PEBP4: variants seen among roughly 807,000 people sequenced by gnomAD.
PEBP4 encodes phosphatidylethanolamine binding protein 4.
A neutral mutation model predicts 23.9 loss-of-function variants in PEBP4; 22 were observed. That is an observed-to-expected ratio of 0.92 (90% CI 0.66 to 1.31). The LOEUF (loss-of-function observed/expected upper bound fraction) is 1.31, where lower values mean the gene tolerates loss of function less well. Among genes scored for constraint, PEBP4 ranks in the 40% most tolerant of loss-of-function variants. PEBP4 has a pLI of 0.00. For synonymous variants in PEBP4, 112 were observed against 99.3 expected (o/e 1.13, Z -0.76); for missense variants, 324 against 281.7 (o/e 1.15, Z -1.07).
At chr8:22,735,266 T>A (rs1804835710) in intron 4 of PEBP4, among the ~76,000 whole-genome samples, 1 of 151,936 alleles carries the variant, frequency 6.6e-6, no homozygotes, top group South Asian at 2.1e-4. Context: ...GGAGCAGAGA[T>A]GAAGGAAGAG....
chr8:22,815,744 G>A (rs1806727500), intron 4 of PEBP4, among the ~76,000 whole-genome samples: 1 of 152,234 alleles, frequency 6.6e-6, no homozygotes, highest in Non-Finnish European at 1.5e-5. Context: ...CCTGTCACCT[G>A]CCACCTGTTC....
intron 3 of PEBP4, among the ~76,000 whole-genome samples, chr8:22,910,228 A>C (rs1276325912): frequency 6.6e-6 from 1 of 152,260 alleles, no homozygotes; most frequent in Admixed American, 6.5e-5. Context: ...GTGAAATGAC[A>C]GCACTGACGT....
At chr8:22,936,283 TAAAA>T (rs907166356) in intron 1 of PEBP4, among the ~76,000 whole-genome samples, 33 of 151,634 alleles carry the variant, frequency 2.2e-4, no homozygotes, top group African/African-American at 8.0e-4. Context: ...TTTACAGAAA[TAAAA>T]AGGGTGATAA....
intron 4 of PEBP4, among the ~76,000 whole-genome samples, chr8:22,750,183 C>A (rs1411133362): frequency 6.6e-6 from 1 of 151,816 alleles, no homozygotes; most frequent in Non-Finnish European, 1.5e-5. Flanking sequence ...CTCACTGCAA[C>A]CTCCACCTCG....
At chr8:22,880,458 C>T (rs2466177) in intron 3 of PEBP4, 51,813 of 152,012 alleles carry the variant, frequency 0.34, 8,999 homozygotes, top group Middle Eastern at 0.41. Flanking sequence ...TGTTCAAAAC[C>T]GCTCCTGAGG....
At chr8:22,937,353 G>T (rs1809554299) in intron 1 of PEBP4, among the ~76,000 whole-genome samples, 1 of 152,134 alleles carries the variant, frequency 6.6e-6, no homozygotes, top group Admixed American at 6.6e-5. Flanking sequence ...ATTACATAAA[G>T]CAGAATAAAC....
At chr8:22,872,658 A>G (rs1263317265) in intron 3 of PEBP4, among the ~76,000 whole-genome samples, 1 of 152,058 alleles carries the variant, frequency 6.6e-6, no homozygotes, top group Non-Finnish European at 1.5e-5. Flanking sequence ...AGCTACTTTG[A>G]TTTTCTAGGT....
chr8:22,785,124 A>G (rs566929779), intron 4 of PEBP4, among the ~76,000 whole-genome samples: 1 of 152,300 alleles, frequency 6.6e-6, no homozygotes, highest in East Asian at 1.9e-4. Flanking sequence ...TGGCAGTGGG[A>G]CGACAGGGCA....
At chr8:22,850,189 G>A (rs1253223201) in intron 3 of PEBP4, among the ~76,000 whole-genome samples, 2 of 152,080 alleles carry the variant, frequency 1.3e-5, no homozygotes, top group Non-Finnish European at 2.9e-5. Flanking sequence ...TGATTGAGCT[G>A]GGATGATTCT....
At chr8:22,767,509 G>T (rs1327007851) in intron 4 of PEBP4, among the ~76,000 whole-genome samples, 1 of 152,210 alleles carries the variant, frequency 6.6e-6, no homozygotes. Flanking sequence ...CAACAACACA[G>T]GTGATTCCTA....
intron 4 of PEBP4, among the ~76,000 whole-genome samples, chr8:22,774,604 G>T (rs1440648164): frequency 6.6e-6 from 1 of 152,180 alleles, no homozygotes; most frequent in Non-Finnish European, 1.5e-5. Context: ...GGGGGTAGGG[G>T]CCGAGTCCCC....
intron 3 of PEBP4, among the ~76,000 whole-genome samples, chr8:22,846,700 G>A (rs933082569): frequency 3.9e-5 from 6 of 152,174 alleles, no homozygotes; most frequent in Admixed American, 2.0e-4. Flanking sequence ...TGGGCCCGGA[G>A]TCTCCAGTTC....
chr8:22,873,649 C>T (rs768431001), intron 3 of PEBP4, among the ~76,000 whole-genome samples: 1 of 152,082 alleles, frequency 6.6e-6, no homozygotes, highest in Non-Finnish European at 1.5e-5. Flanking sequence ...AACAAACAAT[C>T]GAACAAAGTA....
chr8:22,732,921 G>T (rs958511778), intron 4 of PEBP4, among the ~76,000 whole-genome samples: 2 of 152,214 alleles, frequency 1.3e-5, no homozygotes, highest in South Asian at 4.1e-4. Context: ...CTCAGGGAAA[G>T]TTGTGGCTTG....
chr8:22,907,841 G>C (rs950663707), intron 3 of PEBP4, among the ~76,000 whole-genome samples: 1 of 152,144 alleles, frequency 6.6e-6, no homozygotes, highest in South Asian at 2.1e-4. Context: ...AATGACCCAG[G>C]TTGGGAGGAT....
At chr8:22,758,611 C>T (rs1448469874) in intron 4 of PEBP4, among the ~76,000 whole-genome samples, 1 of 152,206 alleles carries the variant, frequency 6.6e-6, no homozygotes, top group Non-Finnish European at 1.5e-5. Flanking sequence ...TTAGGCCACT[C>T]ACTTGGCCTG....
At chr8:22,845,298 CCAAGGCAGGAGGAT>C (rs918532106) in intron 3 of PEBP4, among the ~76,000 whole-genome samples, 47 of 151,596 alleles carry the variant, frequency 3.1e-4, no homozygotes, top group African/African-American at 1.0e-3. Context: ...CTCTGGGAGG[CCAAGGCAGGAGGAT>C]CACTTGAGCC....
intron 3 of PEBP4, among the ~76,000 whole-genome samples, chr8:22,894,643 C>G (rs1415874912): frequency 6.6e-6 from 1 of 152,098 alleles, no homozygotes; most frequent in Non-Finnish European, 1.5e-5. Flanking sequence ...GAGCAAGGAA[C>G]AGTTAAGACT....
chr8:22,860,677 C>T (rs1012410914), intron 3 of PEBP4, among the ~76,000 whole-genome samples: 1 of 152,168 alleles, frequency 6.6e-6, no homozygotes, highest in Non-Finnish European at 1.5e-5. Context: ...GCTTAAAACC[C>T]AGGATACGTA....
Sources: gnomAD v4.1 joint callset for allele counts (sites outside exome capture counted in the v4.1 genomes callset) on GRCh38, gnomAD v4.1.1 for gene constraint, MANE v1.5 for transcripts, NCBI Gene and HGNC (gene_info 2026-07-23, HGNC 2026-07-21) for gene names.